CRTC3: variants seen among roughly 807,000 people sequenced by gnomAD.
CRTC3 encodes the protein CREB-regulated transcription coactivator 3.
In CRTC3, 26 loss-of-function variants were observed where a neutral mutation model predicts 74.5. The ratio of observed to expected loss-of-function variants is 0.35; its 90% CI spans 0.26 to 0.48. The LOEUF (loss-of-function observed/expected upper bound fraction) is 0.48, where lower values mean the gene tolerates loss of function less well. CRTC3 is among the 20% of genes least tolerant of loss of function. The pLI is 0.99. For missense variants in CRTC3, 760 were observed against 787.3 expected (o/e 0.97, Z 0.41); for synonymous variants, 377 against 325.8 (o/e 1.16, Z -1.69).
At chr15:90,534,909 C>T (rs1231464147) in intron 1 of CRTC3, among the ~76,000 whole-genome samples, 1 of 152,124 alleles carries the variant, frequency 6.6e-6, no homozygotes, top group Non-Finnish European at 1.5e-5. Context: ...CCTGTAATCC[C>T]AGCACTTTGG....
chr15:90,543,899 A>G (rs1459529501), intron 2 of CRTC3, among the ~76,000 whole-genome samples: 3 of 151,952 alleles, frequency 2.0e-5, no homozygotes, highest in Non-Finnish European at 4.4e-5. Context: ...GGAAACCACC[A>G]TCTGTAGTTT....
intron 2 of CRTC3, among the ~76,000 whole-genome samples, chr15:90,591,062 C>T (rs1177883642): frequency 1.3e-5 from 2 of 152,084 alleles, no homozygotes; most frequent in South Asian, 4.1e-4. Flanking sequence ...TCAAGTGATC[C>T]TCCTGCCTCA....
chr15:90,565,052 C>T (rs1967093715), intron 2 of CRTC3, among the ~76,000 whole-genome samples: 1 of 152,214 alleles, frequency 6.6e-6, no homozygotes, highest in Non-Finnish European at 1.5e-5. Context: ...AAGCGATTCT[C>T]CTGCCACAGC....
chr15:90,576,619 C>A (rs760194503), intron 2 of CRTC3, among the ~76,000 whole-genome samples: 3 of 152,002 alleles, frequency 2.0e-5, no homozygotes. Context: ...TCAGGAAGTT[C>A]AGGAGTGTGC....
At chr15:90,572,404 A>G (rs773505306) in intron 2 of CRTC3, among the ~76,000 whole-genome samples, 49 of 152,240 alleles carry the variant, frequency 3.2e-4, no homozygotes, top group Admixed American at 6.5e-4. Context: ...ACATAAGGGT[A>G]TTTGTGAGAT....
At chr15:90,544,673 T>C (rs1215245887) in intron 2 of CRTC3, among the ~76,000 whole-genome samples, 5 of 152,210 alleles carry the variant, frequency 3.3e-5, no homozygotes, top group Non-Finnish European at 4.4e-5. Flanking sequence ...AGTAAGTGTA[T>C]ATTAACTTTA....
At chr15:90,628,820 C>G (rs139414490) in intron 10 of CRTC3, among the ~76,000 whole-genome samples, 3 of 151,660 alleles carry the variant, frequency 2.0e-5, no homozygotes, top group Non-Finnish European at 2.9e-5. Context: ...GGATGTTCTC[C>G]AAAGGTAGCA....
intron 2 of CRTC3, among the ~76,000 whole-genome samples, chr15:90,556,976 A>C (rs1351132561): frequency 1.6e-4 from 4 of 25,312 alleles, no homozygotes; most frequent in African/African-American, 2.6e-4. Flanking sequence ...ATATATATAT[A>C]TATATATATA....
chr15:90,638,311 T>A, intron 11 of CRTC3, 135 bp from the exon 12 acceptor site: 1 of 665,490 alleles, frequency 1.5e-6, no homozygotes, highest in South Asian at 1.9e-5. Context: ...AGAAACGGGC[T>A]TCTCACAGCA....
intron 2 of CRTC3, among the ~76,000 whole-genome samples, chr15:90,565,308 C>A (rs886390009): frequency 1.3e-5 from 2 of 152,146 alleles, no homozygotes; most frequent in Admixed American, 1.3e-4. Flanking sequence ...AATAGTAGCA[C>A]TTCACAGTGT....
intron 2 of CRTC3, among the ~76,000 whole-genome samples, chr15:90,551,269 T>C (rs1966855730): frequency 6.6e-6 from 1 of 152,162 alleles, no homozygotes; most frequent in East Asian, 1.9e-4. Context: ...AGTATAGTAA[T>C]ACAAATCGTG....
chr15:90,593,949 T>C (rs990217621), intron 3 of CRTC3, 194 bp downstream of exon 3: 2 of 487,458 alleles, frequency 4.1e-6, no homozygotes, highest in Non-Finnish European at 6.9e-6. Flanking sequence ...TGTAGGTGTT[T>C]ATGAAAGCAT....
intron 1 of CRTC3, chr15:90,539,750 T>A: frequency 3.0e-6 from 1 of 330,436 alleles, no homozygotes. Context: ...CTTTTATTGT[T>A]GTTAAAGATT....
rs370750453 is a variant in CRTC3 at position 90,629,248 on chromosome 15, C to T, written c.982C>T (p.Arg328Trp). 25 of 1,612,432 alleles carry T rather than the reference C, an allele frequency of 1.6e-5. No homozygotes were observed. Among genetic ancestry groups the T allele is most frequent in the South Asian group, 1.1e-4 (10 of 91,058 alleles). Residue 328 changes from arginine to tryptophan, a missense_variant, in exon 11 of 15, where the codon CGG becomes TGG. Around this residue, in one of 2 missense-constraint regions of CRTC3, gnomAD observed 652 missense variants for 635.2 expected, o/e 1.03. Coordinates refer to ENST00000268184, the MANE Select transcript of CRTC3 (RefSeq NM_022769.5). ...TTGTCTTCCAGGTCTCCAGAGTTCT[C>T]GGAGTAACCCCTCCATCCAAGCCAC... ...IRSSSGLQSS[R>W]SNPSIQATLN...
At chr15:90,636,391 T>C (rs1322436230) in intron 11 of CRTC3, among the ~76,000 whole-genome samples, 1 of 146,722 alleles carries the variant, frequency 6.8e-6, no homozygotes, top group Admixed American at 6.8e-5. Context: ...CCTTACACCT[T>C]ATACAAAAAT....
intron 11 of CRTC3, among the ~76,000 whole-genome samples, chr15:90,636,245 T>TA (rs1005464103): frequency 1.3e-5 from 2 of 151,932 alleles, no homozygotes; most frequent in African/African-American, 4.8e-5. Context: ...CCCTCAGATA[T>TA]AATGCCACAT....
At chr15:90,615,209 C>A (rs8031569) in intron 7 of CRTC3, among the ~76,000 whole-genome samples, 1,944 of 152,094 alleles carry the variant, frequency 0.013, 49 homozygotes, top group African/African-American at 0.045. Flanking sequence ...AAAATGCAAA[C>A]CTTACATAAG....
At chr15:90,570,541 T>C (rs1967239555) in intron 2 of CRTC3, among the ~76,000 whole-genome samples, 1 of 152,152 alleles carries the variant, frequency 6.6e-6, no homozygotes, top group African/African-American at 2.4e-5. Flanking sequence ...AACACTCCTT[T>C]ATAATGATTT....
chr15:90,615,769 T>G (rs1451869404), intron 7 of CRTC3, among the ~76,000 whole-genome samples: 1 of 152,230 alleles, frequency 6.6e-6, no homozygotes, highest in African/African-American at 2.4e-5. Flanking sequence ...CCTTGAGCTG[T>G]GTGTGATGAC....
Sources: allele counts gnomAD v4.1 joint callset (sites outside exome capture counted in the v4.1 genomes callset), GRCh38; gene constraint gnomAD v4.1.1; regional missense constraint gnomAD v4.1.1; transcripts MANE v1.5; gene names NCBI Gene and HGNC (gene_info 2026-07-23, HGNC 2026-07-21).